The following CACNA1B variants were observed in gnomAD, a reference collection of about 807,000 sequenced individuals.
CACNA1B encodes the protein voltage-dependent N-type calcium channel subunit alpha-1B.
A neutral mutation model predicts 247.2 loss-of-function variants in CACNA1B; 70 were observed. The observed-to-expected ratio is 0.28, with a 90% CI of 0.23 to 0.35. CACNA1B has a LOEUF of 0.35. CACNA1B is among the 10% of genes least tolerant of loss of function. The probability of loss-of-function intolerance (pLI) is 1.00; values close to 1 mark genes in which losing one functional copy is unlikely to be tolerated. For synonymous variants in CACNA1B, 1,231 were observed against 1,294.4 expected (o/e 0.95, Z 1.05); for missense variants, 2,367 against 3,197.4 (o/e 0.74, Z 6.26).
intron 31 of CACNA1B, among the ~76,000 whole-genome samples, chr9:138,063,506 A>G (rs1959807806): frequency 6.6e-6 from 1 of 152,234 alleles, no homozygotes; most frequent in Admixed American, 6.5e-5. Context: ...AAAAATAAAA[A>G]TAAGAATTCC....
chr9:138,053,740 T>A, intron 25 of CACNA1B, 106 bp from the exon 26 acceptor site: 3 of 489,928 alleles, frequency 6.1e-6, no homozygotes, highest in Non-Finnish European at 6.5e-6. Context: ...CTTCACCCCC[T>A]CATCGTGGCT....
At position 137,974,216 on chromosome 9, in the gene CACNA1B, GGTC is replaced by G. The variant is rs1958191394; in HGVS notation, c.1544-1690_1544-1688del. Among the ~76,000 whole-genome samples, 1 of 152,194 alleles carries G rather than the reference GGTC, an allele frequency of 6.6e-6. No individual in the cohort carries two copies. The highest frequency in any genetic ancestry group is 2.1e-4 in the South Asian group (1 of 4,828). ...CTGGTGGTCTGCACAGCCAGGCCCA[GGTC>G]AGAGCTGTAGGGTCCAGTGGTCTCA... is the stretch of plus-strand genomic sequence containing the variant. On this transcript the variant is annotated intron_variant, in intron 11 of 46. Transcript: ENST00000371372. The surrounding 1 kb of genome is among the most constrained non-coding windows in gnomAD (Gnocchi z 4.5).
chr9:138,027,405 G>A (rs866892526), intron 20 of CACNA1B, among the ~76,000 whole-genome samples: 44 of 151,092 alleles, frequency 2.9e-4, no homozygotes, highest in Admixed American at 2.2e-3. Flanking sequence ...CTTTTTTTCC[G>A]AGATATATTA....
At chr9:137,895,224 A>G (rs1050007798) in intron 3 of CACNA1B, among the ~76,000 whole-genome samples, 1 of 152,170 alleles carries the variant, frequency 6.6e-6, no homozygotes, top group African/African-American at 2.4e-5. Context: ...CTCGTACCAC[A>G]CAGTCCTGAT....
intron 38 of CACNA1B, among the ~76,000 whole-genome samples, chr9:138,103,402 G>T (rs1961319443): frequency 6.6e-6 from 1 of 152,310 alleles, no homozygotes; most frequent in Non-Finnish European, 1.5e-5. Flanking sequence ...GGAAAGGGGT[G>T]CTGGGGAGAG....
At chr9:138,056,315 T>C (rs1959496081) in intron 26 of CACNA1B, among the ~76,000 whole-genome samples, 1 of 152,262 alleles carries the variant, frequency 6.6e-6, no homozygotes, top group Admixed American at 6.5e-5. Flanking sequence ...TGGACACTTT[T>C]TGTAAATTGA....
At chr9:138,076,172 G>A (rs951727170) in intron 35 of CACNA1B, among the ~76,000 whole-genome samples, 5 of 152,338 alleles carry the variant, frequency 3.3e-5, no homozygotes, top group South Asian at 2.1e-4. Flanking sequence ...GGGCCAGGCC[G>A]GCCTCTGCTG....
chr9:137,939,807 TAAA>T (rs1957710521), intron 6 of CACNA1B, among the ~76,000 whole-genome samples: 1 of 128,612 alleles, frequency 7.8e-6, no homozygotes, highest in Non-Finnish European at 1.6e-5. Flanking sequence ...CGTCTCAAAA[TAAA>T]TAAATAAATA....
intron 13 of CACNA1B, among the ~76,000 whole-genome samples, chr9:137,985,996 T>C (rs1402551983): frequency 6.6e-6 from 1 of 152,236 alleles, no homozygotes; most frequent in Non-Finnish European, 1.5e-5. Context: ...CTCTTCCTGC[T>C]GTGGGCTGAT....
At chr9:137,896,203 C>T (rs1957170680) in intron 3 of CACNA1B, among the ~76,000 whole-genome samples, 1 of 137,762 alleles carries the variant, frequency 7.3e-6, no homozygotes, top group Non-Finnish European at 1.5e-5. Context: ...TGCACCACTG[C>T]AGTCCAGCCT....
chr9:138,024,915 A>T, intron 19 of CACNA1B, 40 bp from the exon 20 acceptor site: 1 of 1,416,700 alleles, frequency 7.1e-7, no homozygotes, highest in South Asian at 1.2e-5. Context: ...CACAGGTGTG[A>T]GCCACTGCGC....
rs1956899589 is a variant in CACNA1B at position 137,880,312 on chromosome 9, G to A, written c.390+1153G>A. ...ACGGCCGGGTGAGGAGGAGGAGCAT[G>A]GACAGCCCAGCCACACCATGAGGCA... On this transcript the variant is annotated intron_variant, in intron 2 of 46. Coordinates refer to ENST00000371372, the MANE Select transcript of CACNA1B (RefSeq NM_000718.4). The surrounding 1 kb of genome is among the most constrained non-coding windows in gnomAD (Gnocchi z 4.8). Among the ~76,000 whole-genome samples, 1 of 152,192 alleles carries A rather than the reference G, an allele frequency of 6.6e-6. No homozygotes were observed. Among genetic ancestry groups the A allele is most frequent in the Non-Finnish European group, 1.5e-5 (1 of 68,040 alleles).
At chr9:137,912,726 G>A (rs1957371641) in intron 3 of CACNA1B, among the ~76,000 whole-genome samples, 1 of 152,082 alleles carries the variant, frequency 6.6e-6, no homozygotes, top group African/African-American at 2.4e-5. Flanking sequence ...TATGGGGGTC[G>A]GTTCAGGAGT....
chr9:138,002,491 T>A (rs1217083927), intron 15 of CACNA1B, among the ~76,000 whole-genome samples: 1 of 151,260 alleles, frequency 6.6e-6, no homozygotes, highest in South Asian at 2.1e-4. Flanking sequence ...GGAGTATCGC[T>A]TGAGGCTCTT....
chr9:137,984,403 G>A (rs1958330627), intron 13 of CACNA1B, among the ~76,000 whole-genome samples, 153 bp downstream of exon 13: 2 of 152,238 alleles, frequency 1.3e-5, no homozygotes, highest in East Asian at 1.9e-4. Flanking sequence ...GTTCCAAAAC[G>A]GCCTTGTGGG....
In CACNA1B at chr9:138,078,139, G is replaced by C. The variant is rs745458852; in HGVS notation, c.4975G>C (p.Glu1659Gln). The change falls in exon 36 of 47, where the codon GAG becomes CAG. Residue 1659 changes from glutamate (E) to glutamine (Q), a missense_variant. Physicochemically the swap from Glu to Gln is conservative, Grantham distance 29. Around this residue, in one of 12 missense-constraint regions of CACNA1B, gnomAD observed 436 missense variants for 679.5 expected, o/e 0.64. Coordinates refer to ENST00000371372, the MANE Select transcript of CACNA1B (RefSeq NM_000718.4). ...GAGCGCCACGGGGGAGGCCTGGCAC[G>C]AGATCATGCTGTCCTGCCTGAGCAA... ...FRSATGEAWH[E>Q]IMLSCLSNQA... The C allele has an allele frequency of 6.2e-6, 10 of 1,613,908 alleles. No homozygotes were observed. Among genetic ancestry groups the C allele is most frequent in the Non-Finnish European group, 8.5e-6 (10 of 1,179,834 alleles).
At chr9:138,000,650 A>G (rs972563868) in intron 15 of CACNA1B, among the ~76,000 whole-genome samples, 5 of 152,294 alleles carry the variant, frequency 3.3e-5, no homozygotes, top group Middle Eastern at 3.4e-3. Context: ...GGCTAGTACA[A>G]CCTTGACACC....
At chr9:138,015,474 T>C (rs1958779958) in intron 18 of CACNA1B, among the ~76,000 whole-genome samples, 1 of 146,838 alleles carries the variant, frequency 6.8e-6, no homozygotes, top group Admixed American at 6.6e-5. Context: ...GTTCTCCTGG[T>C]GGGACGAGCA....
At chr9:138,030,378 T>C (rs1589080178) in intron 20 of CACNA1B, among the ~76,000 whole-genome samples, 1 of 152,304 alleles carries the variant, frequency 6.6e-6, no homozygotes, top group Non-Finnish European at 1.5e-5. Flanking sequence ...TTCTGTTATA[T>C]GGTATTTTAT....
Sources: allele counts gnomAD v4.1 joint callset (sites outside exome capture counted in the v4.1 genomes callset), GRCh38; gene constraint gnomAD v4.1.1; regional missense constraint gnomAD v4.1.1; non-coding constraint Gnocchi (gnomAD v3.1); transcripts MANE v1.5; gene names NCBI Gene and HGNC (gene_info 2026-07-23, HGNC 2026-07-21).